The following NUDC variants were observed in gnomAD, a reference collection of about 807,000 sequenced individuals.
NUDC encodes the protein nuclear distribution C, dynein complex regulator, also known as nuclear migration protein nudC.
In NUDC, 14 loss-of-function variants were observed where a neutral mutation model predicts 45.0. The observed-to-expected ratio is 0.31, with a 90% confidence interval of 0.21 to 0.49. The LOEUF is 0.49. NUDC is among the 20% of genes least tolerant of loss of function. The pLI, the probability that NUDC is intolerant of heterozygous loss-of-function variation, is 0.99. For synonymous variants in NUDC, 153 were observed against 156.7 expected, an observed-to-expected ratio of 0.98 and a Z score of 0.17; for missense variants, 323 against 426.2, an observed-to-expected ratio of 0.76 and a Z score of 2.13.
At position 26,921,935 on chromosome 1, in the gene NUDC, G is replaced by C. The variant is rs995673782; in HGVS notation, c.81+6G>C. 3 of 1,549,816 alleles carry C rather than the reference G, an allele frequency of 1.9e-6. No homozygotes were observed. In the Admixed American group the frequency reaches 5.9e-5, roughly 30 times the overall value. On this transcript the variant is annotated splice_donor_region_variant and intron_variant, in intron 1 of 8. Coordinates refer to ENST00000321265, the MANE Select transcript of NUDC (RefSeq NM_006600.4). ...ACGAGGGCGGCGTGCAGGAGGTAAC[G>C]GCCCGCGCGGCGTCGGCCCACCCGG... is the stretch of plus-strand genomic sequence containing the variant.
At chr1:26,907,389 G>A (rs1172941465) in intron 2 of NUDC, among the ~76,000 whole-genome samples, 2 of 152,158 alleles carry the variant, frequency 1.3e-5, no homozygotes, top group African/African-American at 2.4e-5. Flanking sequence ...CAGACAAGAT[G>A]TTTCATGAGA....
intron 2 of NUDC, among the ~76,000 whole-genome samples, chr1:26,937,441 G>A (rs559882297): frequency 4.0e-5 from 6 of 151,690 alleles, no homozygotes; most frequent in African/African-American, 1.5e-4. Flanking sequence ...CACCGTGTCT[G>A]GCTAATATTT....
At chr1:26,924,507 G>T (rs1570724557) in intron 2 of NUDC, among the ~76,000 whole-genome samples, 1 of 152,180 alleles carries the variant, frequency 6.6e-6, no homozygotes, top group Admixed American at 6.6e-5. Context: ...CCTGTCCTCT[G>T]CCCCGACACA....
chr1:26,908,120 A>T (rs914049374), intron 2 of NUDC, among the ~76,000 whole-genome samples: 2 of 152,212 alleles, frequency 1.3e-5, no homozygotes, highest in Middle Eastern at 3.4e-3. Context: ...CGGAGGTTGC[A>T]GTGAGCCGAG....
At chr1:26,944,116 G>T (rs947050855) in intron 6 of NUDC, among the ~76,000 whole-genome samples, 2 of 151,716 alleles carry the variant, frequency 1.3e-5, no homozygotes, top group East Asian at 3.9e-4. Context: ...GGATGGTCTC[G>T]ATCTCCTGAC....
At chr1:26,936,190 T>A (rs2082232614) in intron 2 of NUDC, among the ~76,000 whole-genome samples, 1 of 59,450 alleles carries the variant, frequency 1.7e-5, no homozygotes. Context: ...TTTTTTTTTT[T>A]TTTTTTTTTT....
At chr1:26,942,529 A>C in intron 4 of NUDC, 131 bp from the exon 5 acceptor site, 2 of 1,306,162 alleles carry the variant, frequency 1.5e-6, no homozygotes, top group South Asian at 1.2e-5. Flanking sequence ...CCCTCTGTGG[A>C]GTGGGCAGGG....
Position 26,911,868 on chromosome 1 carries a change from C to T in NUDC, c.93+633C>T, listed in dbSNP as rs1209842470. 6.2e-6 allele frequency: 10 copies of T among 1,614,196 alleles called. No individual in the cohort carries two copies. The highest frequency in any genetic ancestry group is 8.5e-6 in the Non-Finnish European group (10 of 1,180,032). ...GGTCACCTGAGCAAAAGCATGTCCCCAAGAAGGCCAGCGATGTCAACATCT... is the reference window on the plus strand; with the variant it reads ...GGTCACCTGAGCAAAAGCATGTCCCTAAGAAGGCCAGCGATGTCAACATCT... On this transcript the variant is annotated intron_variant, in intron 3 of 6. Coordinates refer to the NUDC transcript ENST00000435827.
chr1:26,930,100 T>A (rs1008360951), intron 2 of NUDC, among the ~76,000 whole-genome samples: 1 of 152,206 alleles, frequency 6.6e-6, no homozygotes, highest in South Asian at 2.1e-4. Flanking sequence ...GCATACCAAT[T>A]CTTTAAATAT....
chr1:26,942,830 A>G (rs1278904808), intron 5 of NUDC, 41 bp from the exon 6 acceptor site: 2 of 1,614,074 alleles, frequency 1.2e-6, no homozygotes, highest in East Asian at 4.5e-5. Flanking sequence ...GGGTACCAGC[A>G]GCACTTAGTG....
chr1:26,941,626 A>T lies in NUDC; in HGVS notation c.329A>T (p.Glu110Val). 6.2e-7 allele frequency: 1 copy of T among 1,612,586 alleles called. No homozygotes were observed. Among genetic ancestry groups the T allele is most frequent in the Non-Finnish European group, 8.5e-7 (1 of 1,179,302 alleles). ...CCCCAGATCAAGGAGCTAACTGATG[A>T]AGAGGCAGAGAGGCTGCAGCTAGAG... ...SGPQIKELTD[E>V]EAERLQLEID... Residue 110 changes from glutamate (E) to valine (V), a missense_variant, in exon 3 of 9, where the codon GAA (glutamate) becomes GTA (valine). Glu to Val is a moderately radical substitution (Grantham distance 121). Transcript: ENST00000321265.
rs762355921 is a variant in NUDC at position 26,913,436 on chromosome 1, G to A, written c.93+2201G>A. ...GGGTTGAAGAGGATGGTCCCTTTCA[G>A]GCAGGCATATTCCTTGGGGCTAAGC... is the stretch of plus-strand genomic sequence containing the variant. On this transcript the variant is annotated intron_variant, in intron 3 of 6. Transcript: ENST00000435827. 1.9e-6 allele frequency: 3 copies of A among 1,614,146 alleles called. No individual in the cohort carries two copies. In the South Asian group the frequency reaches 3.3e-5, roughly 18 times the overall value.
intron 3 of NUDC, among the ~76,000 whole-genome samples, chr1:26,914,118 G>A (rs904370494): frequency 6.6e-6 from 1 of 152,300 alleles, no homozygotes; most frequent in South Asian, 2.1e-4. Context: ...GGGAAGTGGT[G>A]GGGGAGGGGG....
At chr1:26,929,869 C>T (rs189892104) in intron 2 of NUDC, among the ~76,000 whole-genome samples, 17 of 151,960 alleles carry the variant, frequency 1.1e-4, no homozygotes, top group Non-Finnish European at 2.1e-4. Flanking sequence ...ACTAAAAATA[C>T]AAAAATTAGC....
Position 26,937,887 on chromosome 1 carries a change from G to A in NUDC, c.160-3570G>A, listed in dbSNP as rs576620039. 7.2e-5 allele frequency among the ~76,000 whole-genome samples: 11 copies of A among 152,228 alleles called. No homozygotes were observed. The South Asian group carries it at 1.2e-3, about 17-fold the overall frequency. On this transcript the variant is annotated intron_variant, in intron 2 of 8. Coordinates refer to ENST00000321265, the MANE Select transcript of NUDC (RefSeq NM_006600.4). ...TGGTTTCAAACTCCTGGGCTCAAGT[G>A]ATCTGTCTGCCTCTGCTTCCCAAAG...
intron 2 of NUDC, among the ~76,000 whole-genome samples, chr1:26,929,413 C>CAA (rs59479684): frequency 3.8e-5 from 5 of 130,878 alleles, no homozygotes; most frequent in African/African-American, 1.4e-4. Flanking sequence ...TCTGAAAAAA[C>CAA]AAAAAAAAAA....
At chr1:26,901,812 TGA>T (rs1320609798) in intron 1 of NUDC, among the ~76,000 whole-genome samples, 3 of 152,168 alleles carry the variant, frequency 2.0e-5, no homozygotes, top group Non-Finnish European at 4.4e-5. Flanking sequence ...ACCTGTAGAT[TGA>T]GAGACCTCAA....
chr1:26,945,676 A>G lies in NUDC; in HGVS notation c.934A>G (p.Ile312Val). The G allele has an allele frequency of 6.2e-7, 1 of 1,613,330 alleles. No homozygotes were observed. The highest frequency in any genetic ancestry group is 1.3e-5 in the African/African-American group (1 of 75,018). The change falls in exon 8 of 9, where the codon ATT (isoleucine) becomes GTT (valine). Residue 312 changes from isoleucine to valine, a missense_variant. Ile to Val is a conservative substitution (Grantham distance 29). Transcript: ENST00000321265. ...PTSDEQKKQEILKKFMDQHPE... is the reference protein window; with the variant it reads ...PTSDEQKKQEVLKKFMDQHPE... ...TTCAGACGAACAGAAGAAACAGGAG[A>G]TTCTGAAGAAGTGAGCAATTCAGAG...
At chr1:26,912,011 A>G (rs2124067588) in intron 3 of NUDC, 2 of 1,614,232 alleles carry the variant, frequency 1.2e-6, no homozygotes, top group Non-Finnish European at 8.5e-7. Flanking sequence ...CCAGGGTTCC[A>G]GGACTTCACA....
Sources: gnomAD v4.1 joint callset for allele counts (sites outside exome capture counted in the v4.1 genomes callset) on GRCh38, gnomAD v4.1.1 for gene constraint, MANE v1.5 for transcripts, NCBI Gene and HGNC (gene_info 2026-07-23, HGNC 2026-07-21) for gene names.